The following PER2 variants were observed in gnomAD, a reference collection of about 807,000 sequenced individuals.
PER2 encodes the protein period circadian regulator 2.
A neutral mutation model predicts 121.0 loss-of-function variants in PER2; 66 were observed. The observed-to-expected ratio is 0.55, with a 90% CI of 0.45 to 0.67. The LOEUF is 0.67. Ranked by LOEUF, PER2 falls within the 30% of genes least tolerant of loss-of-function variation. PER2 has a pLI of 0.00. For missense variants in PER2, 1,521 were observed against 1,635.0 expected, an observed-to-expected ratio of 0.93 and a Z score of 1.20; for synonymous variants, 684 against 659.9, an observed-to-expected ratio of 1.04 and a Z score of -0.56.
rs139404904 is a variant in PER2, at chr2:238,265,689, T to C, written c.968-99A>G. On this transcript the variant is annotated intron_variant, in intron 8 of 22. Transcript: ENST00000254657. ...AAAACACCCTGTAGATTCAGAGTAA[T>C]GAGCAGCTAAAGAAAAAAATTAAAA... 3,890 of 785,784 alleles carry C rather than the reference T, an allele frequency of 5.0e-3. 15 individuals carry two copies. The highest frequency in any genetic ancestry group is 7.6e-3 in the Non-Finnish European group (3,324 of 439,292). 48.7% of individuals were successfully genotyped at this position (785,784 alleles called of 1,614,324 possible).
At position 238,251,702 on chromosome 2, in the gene PER2, T is replaced by C; in HGVS notation, c.3171A>G (p.Leu1057=). ...SDALSTSSGL[L]NLLLNEDLCS... is the part of the protein sequence containing the mutation. ...AGAGGTCCTCATTCAGCAGGAGGTT[T>C]AGGAGGCCGCTTGACGTGGAAAGGG... Residue 1057 remains leucine (L), a synonymous_variant, in exon 20 of 23, where the codon CTA becomes CTG. Transcript: ENST00000254657. 6.2e-7 allele frequency: 1 copy of C among 1,613,984 alleles called. No homozygotes were observed.
At chr2:238,257,213 C>T (rs1348856891) in intron 16 of PER2, 127 bp from the exon 17 acceptor site, 1 of 736,142 alleles carries the variant, frequency 1.4e-6, no homozygotes, top group Admixed American at 2.4e-5. Context: ...CCATCCCATC[C>T]CACAGATGCT....
In PER2 at chr2:238,250,516, C is replaced by T. The variant is rs184781127; in HGVS notation, c.3467+35G>A. Reference sequence around the variant, plus strand: ...TTCTGGGAGCTCCTGAACCCCATCCCTCCCCAGGTGCCTAGGAAAACGCTG... The same window carrying T: ...TTCTGGGAGCTCCTGAACCCCATCCTTCCCCAGGTGCCTAGGAAAACGCTG... On this transcript the variant is annotated intron_variant, in intron 21 of 22. Transcript: ENST00000254657. 4.9e-5 allele frequency: 74 copies of T among 1,519,892 alleles called. No homozygotes were observed. In the East Asian group the frequency reaches 1.6e-3, roughly 33 times the overall value. The allele number at this position is 1,519,892 out of a possible 1,614,324, so 94.2% of individuals were successfully genotyped here. A position where few individuals can be genotyped will look rare whatever the true frequency, so the allele number is the denominator to read the frequency against.
chr2:238,278,541 T>C (rs1696530379), intron 1 of PER2, among the ~76,000 whole-genome samples: 1 of 152,166 alleles, frequency 6.6e-6, no homozygotes, highest in Admixed American at 6.5e-5. Flanking sequence ...AGAGCACTGA[T>C]AATCAACACC....
In PER2 at chr2:238,268,336, C is replaced by T. The variant is rs1696176387; in HGVS notation, c.825-138G>A. On this transcript the variant is annotated intron_variant, in intron 7 of 22. Coordinates refer to ENST00000254657, the MANE Select transcript of PER2 (RefSeq NM_022817.3). This position sits in a 1 kb window ranked among gnomAD's most constrained non-coding sequence, Gnocchi z 4.0. ...CTCTGCCTGAGGAGCTGGGCCTGCC[C>T]CCTGCCCTCTTCGGTCCCTCCCTCA... 13 of 875,140 alleles carry T rather than the reference C, an allele frequency of 1.5e-5. 1 individual carries two copies. The East Asian group carries it at 2.6e-4, about 18-fold the overall frequency. 54.2% of individuals were successfully genotyped at this position (875,140 alleles called of 1,614,324 possible).
chr2:238,279,106 T>C (rs1373027550), intron 1 of PER2, among the ~76,000 whole-genome samples: 1 of 151,994 alleles, frequency 6.6e-6, no homozygotes, highest in East Asian at 1.9e-4. Context: ...CAAAATGCCA[T>C]CCCGGGTCCT....
rs372915905 is a variant in PER2 at position 238,261,894 on chromosome 2, G to A, written c.1308-57C>T. ...GGCCCCACAGGAGGACCTCTCTGGC[G>A]TGACTGTATAGCCACTACATGCTGC... is the stretch of plus-strand genomic sequence containing the variant. On this transcript the variant is annotated intron_variant, in intron 11 of 22. Transcript: ENST00000254657. 3.6e-5 allele frequency: 44 copies of A among 1,221,318 alleles called. No individual in the cohort carries two copies. The Middle Eastern group carries it at 5.6e-4, about 16-fold the overall frequency. 75.7% of individuals were successfully genotyped at this position (1,221,318 alleles called of 1,614,324 possible).
At position 238,262,267 on chromosome 2, in the gene PER2, C is replaced by T. The variant is rs1695957439; in HGVS notation, c.1231G>A (p.Asp411Asn). 1 of 1,613,998 alleles carries T rather than the reference C, an allele frequency of 6.2e-7. No homozygotes were observed. Among genetic ancestry groups the T allele is most frequent in the East Asian group, 2.2e-5 (1 of 44,866 alleles). ...TTGATGAAGCTGGACCAGCTGGTGT[C>T]CAACGTGATGTACTCTCCGTTCCGG... ...RARNGEYITLDTSWSSFINPW... is the reference protein window; with the variant it reads ...RARNGEYITLNTSWSSFINPW... The change falls in exon 11 of 23, where the codon GAC becomes AAC. Residue 411 changes from aspartate to asparagine, a missense_variant. Asp to Asn is a conservative substitution (Grantham distance 23, BLOSUM62 1). Coordinates refer to ENST00000254657, the MANE Select transcript of PER2 (RefSeq NM_022817.3).
intron 11 of PER2, 90 bp downstream of exon 11, chr2:238,262,101 C>T: frequency 7.7e-7 from 1 of 1,294,528 alleles, no homozygotes; most frequent in Non-Finnish European, 1.1e-6. Flanking sequence ...CTCTCAGCCC[C>T]TCCCTATGCC....
rs1695981684 is a variant in PER2 at position 238,262,997 on chromosome 2, G to A, written c.1108C>T (p.Leu370Phe). The A allele has an allele frequency of 6.2e-7, 1 of 1,614,052 alleles. No homozygotes were observed. The highest frequency in any genetic ancestry group is 1.1e-5 in the South Asian group (1 of 91,078). ...DLIETPVLVQ[L>F]HPSDRPLMLA... ...ATCAAGGGCCTGTCACTAGGGTGGA[G>A]CTGCACGAGCACTGGGGTTTCAATC... is the stretch of plus-strand genomic sequence containing the variant. Residue 370 changes from leucine (L) to phenylalanine (F), a missense_variant, in exon 10 of 23, where the codon CTC (leucine) becomes TTC (phenylalanine). Physicochemically the swap from Leu to Phe is conservative, Grantham distance 22 (BLOSUM62 0). Coordinates refer to ENST00000254657, the MANE Select transcript of PER2 (RefSeq NM_022817.3).
Position 238,253,119 on chromosome 2 carries a change from G to C in PER2, c.2904C>G (p.Thr968=), listed in dbSNP as rs1344735898. Residue 968 remains threonine (T), a synonymous_variant, in exon 19 of 23, where the codon ACC becomes ACG. Transcript: ENST00000254657. This position sits in a 1 kb window ranked among gnomAD's most constrained non-coding sequence, Gnocchi z 5.6. ...QPCACPATRA[T]PPSAMGRASP... ...AGGCCCTACCCATGGCCGATGGTGG[G>C]GTGGCCCGGGTGGCTGGACAAGCAC... 6.2e-7 allele frequency: 1 copy of C among 1,603,350 alleles called. No homozygotes were observed. Among genetic ancestry groups the C allele is most frequent in the Non-Finnish European group, 8.5e-7 (1 of 1,172,070 alleles).
Position 238,253,447 on chromosome 2 carries a change from AAC to A in PER2, c.2574_2575del (p.Phe859SerfsTer89). The A allele has an allele frequency of 6.2e-7, 1 of 1,612,722 alleles. No individual in the cohort carries two copies. Among genetic ancestry groups the A allele is most frequent in the Non-Finnish European group, 8.5e-7 (1 of 1,179,198 alleles). ...TGCTGCCACAGTCCCTGGCGCTGGA[AAC>A]ACGGGCAGTGAATAAGCTGCTGGCA... On this transcript the variant is annotated frameshift_variant, in exon 19 of 23. Coordinates refer to ENST00000254657, the MANE Select transcript of PER2 (RefSeq NM_022817.3). LOFTEE classifies it high-confidence loss of function. This position sits in a 1 kb window ranked among gnomAD's most constrained non-coding sequence, Gnocchi z 5.6.
intron 21 of PER2, 53 bp downstream of exon 21, chr2:238,250,498 A>C (rs951256802): frequency 2.8e-5 from 36 of 1,281,414 alleles, no homozygotes; most frequent in Admixed American, 7.3e-5. Context: ...TGTTTCTGGG[A>C]GCTCCTGAAC....
the PER2 span, among the ~76,000 whole-genome samples, chr2:238,297,180 G>T: frequency 6.6e-6 from 1 of 151,372 alleles, no homozygotes; most frequent in Non-Finnish European, 1.5e-5. Flanking sequence ...CACCCCCCAC[G>T]CTCTGCGGCT....
At chr2:238,271,010 A>G (rs1468955798) in intron 6 of PER2, among the ~76,000 whole-genome samples, 1 of 152,172 alleles carries the variant, frequency 6.6e-6, no homozygotes, top group Non-Finnish European at 1.5e-5. Context: ...TGCCCCCACG[A>G]CCCGGCCTCC....
chr2:238,268,187 C>T lies in PER2; in HGVS notation c.836G>A (p.Ser279Asn). The change falls in exon 8 of 23, where the codon AGC becomes AAC. Residue 279 changes from serine (S) to asparagine (N), a missense_variant. Transcript: ENST00000254657. This position sits in a 1 kb window ranked among gnomAD's most constrained non-coding sequence, Gnocchi z 4.0. The part of the protein sequence containing the change: ...SFFCRVSVRK[S>N]HENEIRYHPF... ...GTGGTAGCGGATTTCATTCTCGTGG[C>T]TTTTCCGGACACTGCGGAGAAGAGC... 1.9e-6 allele frequency: 3 copies of T among 1,613,942 alleles called. No individual in the cohort carries two copies. The highest frequency in any genetic ancestry group is 2.5e-6 in the Non-Finnish European group (3 of 1,179,964).
chr2:238,273,374 G>A (rs923949323), intron 4 of PER2, among the ~76,000 whole-genome samples, 183 bp from the exon 5 acceptor site: 4 of 152,126 alleles, frequency 2.6e-5, no homozygotes, highest in East Asian at 1.9e-4. Context: ...GACAGAAATC[G>A]GGATATTTTT....
At chr2:238,297,902 G>A in the PER2 span, among the ~76,000 whole-genome samples, 1 of 152,316 alleles carries the variant, frequency 6.6e-6, no homozygotes, top group African/African-American at 2.4e-5. Flanking sequence ...GACATGCCGC[G>A]TGTCTGGCTT....
At chr2:238,261,529 G>A in intron 12 of PER2, 200 bp downstream of exon 12, 1 of 623,400 alleles carries the variant, frequency 1.6e-6, no homozygotes, top group Non-Finnish European at 2.9e-6. Context: ...TCGAATGCAA[G>A]GCTGGAGAGA....
Sources: gnomAD v4.1 joint callset for allele counts (sites outside exome capture counted in the v4.1 genomes callset) on GRCh38, gnomAD v4.1.1 for gene constraint, Gnocchi (gnomAD v3.1) non-coding constraint, MANE v1.5 for transcripts, NCBI Gene and HGNC (gene_info 2026-07-23, HGNC 2026-07-21) for gene names.